Variants in KCNQ5 observed in about 807,000 individuals in gnomAD.
KCNQ5 encodes potassium voltage-gated channel subfamily Q member 5, also known as potassium voltage-gated channel subfamily KQT member 5.
In KCNQ5, 30 loss-of-function variants were observed where a neutral mutation model predicts 98.2. The observed-to-expected ratio is 0.31, with a 90% CI of 0.23 to 0.41. The LOEUF (loss-of-function observed/expected upper bound fraction) is 0.41. Ranked by LOEUF, KCNQ5 falls within the 10% of genes least tolerant of loss-of-function variation. The pLI is 1.00. For synonymous variants in KCNQ5, 458 were observed against 449.4 expected (o/e 1.02, Z -0.24); for missense variants, 835 against 1,182.5 (o/e 0.71, Z 4.31).
At chr6:73,026,054 G>T (rs534756072) in intron 2 of KCNQ5, among the ~76,000 whole-genome samples, 1 of 152,278 alleles carries the variant, frequency 6.6e-6, no homozygotes, top group East Asian at 1.9e-4. Context: ...ACACTTATGA[G>T]TCTTGTCCCA....
chr6:72,854,847 G>C (rs909776076), intron 1 of KCNQ5, among the ~76,000 whole-genome samples: 11 of 150,790 alleles, frequency 7.3e-5, no homozygotes, highest in African/African-American at 2.7e-4. Context: ...TCATTTATGA[G>C]TTCACAATTT....
At chr6:72,995,211 A>C (rs1353610012) in intron 1 of KCNQ5, among the ~76,000 whole-genome samples, 1 of 152,110 alleles carries the variant, frequency 6.6e-6, no homozygotes, top group Non-Finnish European at 1.5e-5. Flanking sequence ...TCTACTAAAA[A>C]TGCAAAATTA....
intron 1 of KCNQ5, among the ~76,000 whole-genome samples, chr6:72,960,196 C>CT (rs553191458): frequency 3.0e-4 from 46 of 152,254 alleles, no homozygotes; most frequent in African/African-American, 1.1e-3. Context: ...ATCCCATGGC[C>CT]ATTCCATCAC....
chr6:73,003,450 G>A (rs1769677847), intron 1 of KCNQ5, among the ~76,000 whole-genome samples: 1 of 152,138 alleles, frequency 6.6e-6, no homozygotes, highest in Non-Finnish European at 1.5e-5. Context: ...ATGAGCCAGT[G>A]GCTGAGTAAC....
At chr6:73,034,332 A>C (rs2150350831) in intron 2 of KCNQ5, among the ~76,000 whole-genome samples, 1 of 152,352 alleles carries the variant, frequency 6.6e-6, no homozygotes, top group South Asian at 2.1e-4. Context: ...GATTATGTTG[A>C]TATTCTGAAT....
At chr6:72,866,162 G>T (rs1040253953) in intron 1 of KCNQ5, among the ~76,000 whole-genome samples, 3 of 151,412 alleles carry the variant, frequency 2.0e-5, no homozygotes, top group Non-Finnish European at 4.4e-5. Flanking sequence ...AATCATGTTT[G>T]TCTGATTCTG....
chr6:73,124,699 C>T (rs1324890297), intron 9 of KCNQ5, 187 bp downstream of exon 9: 5 of 614,460 alleles, frequency 8.1e-6, no homozygotes, highest in African/African-American at 7.5e-5. Flanking sequence ...AGTGTCTTTC[C>T]CTAACTCACT....
intron 5 of KCNQ5, among the ~76,000 whole-genome samples, chr6:73,097,351 G>A (rs1221635028): frequency 6.6e-6 from 1 of 151,696 alleles, no homozygotes; most frequent in Admixed American, 6.6e-5. Flanking sequence ...GCTTATTGCA[G>A]ATCATCTCAT....
intron 1 of KCNQ5, among the ~76,000 whole-genome samples, chr6:72,951,401 CT>C (rs1766798121): frequency 6.6e-6 from 1 of 151,514 alleles, no homozygotes; most frequent in African/African-American, 2.4e-5. Flanking sequence ...CCTCAGCCTC[CT>C]GAGTAGCTGA....
intron 1 of KCNQ5, among the ~76,000 whole-genome samples, chr6:72,995,638 T>A (rs759965876): frequency 1.1e-4 from 16 of 152,224 alleles, no homozygotes; most frequent in Admixed American, 5.9e-4. Context: ...TGCTCCAAAG[T>A]CAAGATATGG....
Position 72,622,515 on chromosome 6 carries a change from G to A in KCNQ5, c.326G>A (p.Arg109Gln). ...SQSCRRNVKY[R>Q]RVQNYLYNVL... is the part of the protein sequence containing the mutation. ...AGCTGCCGGCGCAACGTCAAGTACC[G>A]GCGGGTGCAGAACTACCTGTACAAC... Residue 109 changes from arginine to glutamine, a missense_variant, in exon 1 of 14, where the codon CGG becomes CAG. Physicochemically the swap from Arg to Gln is conservative, Grantham distance 43. This residue lies in a region of KCNQ5 where 54 missense variants were observed against 51.5 expected (regional missense o/e 1.05). Transcript: ENST00000370398. This position sits in a 1 kb window ranked among gnomAD's most constrained non-coding sequence, Gnocchi z 6.0. 1 of 1,603,194 alleles carries A rather than the reference G, an allele frequency of 6.2e-7. No homozygotes were observed. The highest frequency in any genetic ancestry group is 8.5e-7 in the Non-Finnish European group (1 of 1,175,176).
intron 1 of KCNQ5, among the ~76,000 whole-genome samples, chr6:72,851,930 T>A (rs1010990966): frequency 3.3e-5 from 5 of 152,142 alleles, no homozygotes; most frequent in African/African-American, 1.2e-4. Flanking sequence ...ACCTTATTAA[T>A]CTAGATACGT....
intron 1 of KCNQ5, among the ~76,000 whole-genome samples, chr6:72,642,570 A>C (rs1030054781): frequency 3.9e-5 from 6 of 152,200 alleles, no homozygotes; most frequent in African/African-American, 1.4e-4. Flanking sequence ...ACCATCTCAC[A>C]CCAGTCAGAA....
intron 1 of KCNQ5, among the ~76,000 whole-genome samples, chr6:72,892,656 G>T (rs143604848): frequency 6.6e-6 from 1 of 151,502 alleles, no homozygotes; most frequent in South Asian, 2.1e-4. Context: ...TTTGCAGACC[G>T]ACACTCCTGC....
chr6:73,122,212 G>A (rs1219855685), intron 8 of KCNQ5, among the ~76,000 whole-genome samples: 1 of 152,126 alleles, frequency 6.6e-6, no homozygotes, highest in Non-Finnish European at 1.5e-5. Context: ...AGTTTGCTAG[G>A]TAAATGTAAA....
intron 1 of KCNQ5, among the ~76,000 whole-genome samples, chr6:72,626,886 A>G (rs1448656573): frequency 6.6e-6 from 1 of 152,250 alleles, no homozygotes; most frequent in Non-Finnish European, 1.5e-5. Context: ...CCAGTCTGAC[A>G]TGTGGTATGA....
intron 1 of KCNQ5, among the ~76,000 whole-genome samples, chr6:72,657,445 A>G (rs1486216598): frequency 2.0e-5 from 3 of 152,310 alleles, no homozygotes; most frequent in East Asian, 1.9e-4. Flanking sequence ...CACCCAGTTG[A>G]CAAATAGATA....
At chr6:72,782,293 A>T (rs1036090001) in intron 1 of KCNQ5, among the ~76,000 whole-genome samples, 1 of 151,852 alleles carries the variant, frequency 6.6e-6, no homozygotes, top group African/African-American at 2.4e-5. Flanking sequence ...GTACATCCTG[A>T]TGATAAAGAG....
At chr6:72,681,699 CT>C (rs924070587) in intron 1 of KCNQ5, among the ~76,000 whole-genome samples, 1 of 152,202 alleles carries the variant, frequency 6.6e-6, no homozygotes, top group African/African-American at 2.4e-5. Flanking sequence ...ACAGTTGCCC[CT>C]TTAAGCTTAT....
Sources: gnomAD v4.1 joint callset for allele counts (sites outside exome capture counted in the v4.1 genomes callset) on GRCh38, gnomAD v4.1.1 for gene constraint, gnomAD v4.1.1 regional missense constraint, Gnocchi (gnomAD v3.1) non-coding constraint, MANE v1.5 for transcripts, NCBI Gene and HGNC (gene_info 2026-07-23, HGNC 2026-07-21) for gene names.